The following PRUNE2 variants were observed in gnomAD, a reference collection of about 807,000 sequenced individuals.
PRUNE2 encodes the protein prune homolog 2 with BCH domain, also known as protein prune homolog 2.
Under a neutral mutation model 252.0 loss-of-function variants are expected in PRUNE2, and 164 were observed. The ratio of observed to expected loss-of-function variants is 0.65; its 90% CI spans 0.57 to 0.74. The LOEUF (loss-of-function observed/expected upper bound fraction) is 0.74. PRUNE2 is among the 30% of genes least tolerant of loss of function. The pLI is 0.00. For missense variants in PRUNE2, 3,495 were observed against 3,711.0 expected, an observed-to-expected ratio of 0.94 and a Z score of 1.51; for synonymous variants, 1,292 against 1,350.2, an observed-to-expected ratio of 0.96 and a Z score of 0.94.
intron 6 of PRUNE2, among the ~76,000 whole-genome samples, chr9:76,729,749 TTAAAG>T (rs1434873528): frequency 6.6e-6 from 1 of 152,174 alleles, no homozygotes; most frequent in African/African-American, 2.4e-5. Flanking sequence ...CCAAGGTCTT[TTAAAG>T]TATTTTTTTC....
chr9:76,754,125 C>A (rs17062964), intron 6 of PRUNE2, among the ~76,000 whole-genome samples: 4,276 of 152,180 alleles, frequency 0.028, 186 homozygotes, highest in African/African-American at 0.095. Context: ...TTGTCAGCAT[C>A]TCTTCTTTAC....
chr9:76,641,992 TAAGAG>T (rs1015349103), intron 12 of PRUNE2: 20 of 1,169,952 alleles, frequency 1.7e-5, no homozygotes, highest in African/African-American at 1.6e-4. Context: ...TATAATGAAA[TAAGAG>T]AAGTAAAAAA....
chr9:76,671,657 G>A (rs1455045083), intron 9 of PRUNE2, among the ~76,000 whole-genome samples: 2 of 152,094 alleles, frequency 1.3e-5, no homozygotes, highest in Non-Finnish European at 2.9e-5. Flanking sequence ...AGAGAGAAAG[G>A]TCGGGTTACC....
rs2046476326 is a variant in PRUNE2 at position 76,708,635 on chromosome 9, C to G, written c.3639G>C (p.Gln1213His). The change falls in exon 8 of 19, where the codon CAG becomes CAC. Residue 1213 changes from glutamine to histidine, a missense_variant. By Grantham distance (24) the Gln-to-His change is conservative. Coordinates refer to ENST00000376718, the MANE Select transcript of PRUNE2 (RefSeq NM_015225.3). ...AATCCCAAATACTGTTTGCAATTAGCTGCCCACTTTTCTCATTCAATGTGT... is the reference window on the plus strand; with the variant it reads ...AATCCCAAATACTGTTTGCAATTAGGTGCCCACTTTTCTCATTCAATGTGT... ...EHHTLNEKSG[Q>H]LIANSIWDSV... The G allele has an allele frequency of 6.2e-7, 1 of 1,613,844 alleles. No homozygotes were observed. Among genetic ancestry groups the G allele is most frequent in the Admixed American group, 1.7e-5 (1 of 59,994 alleles).
chr9:76,852,612 T>C (rs78920858), intron 2 of PRUNE2, among the ~76,000 whole-genome samples: 1 of 152,188 alleles, frequency 6.6e-6, no homozygotes, highest in African/African-American at 2.4e-5. Context: ...TAGTTGGGTT[T>C]TGAAAATTTA....
chr9:76,615,223 A>G, intron 18 of PRUNE2: 1 of 985,470 alleles, frequency 1.0e-6, no homozygotes, highest in Non-Finnish European at 1.2e-6. Context: ...TTCTTAGTGA[A>G]CACAGCACAA....
At chr9:76,771,438 A>C (rs2130944480) in intron 6 of PRUNE2, among the ~76,000 whole-genome samples, 1 of 152,342 alleles carries the variant, frequency 6.6e-6, no homozygotes, top group East Asian at 1.9e-4. Flanking sequence ...TCTAGAAGAA[A>C]GAGCTATGAA....
chr9:76,613,090 G>C lies in PRUNE2; in HGVS notation c.*1480C>G, dbSNP rs1827945316. 6.6e-6 allele frequency: 1 copy of C among 152,188 alleles called. No individual in the cohort carries two copies. The highest frequency in any genetic ancestry group is 1.5e-5 in the Non-Finnish European group (1 of 68,034). The allele number at this position is 152,188 out of a possible 1,614,324, so 9.4% of individuals were successfully genotyped here. A position where few individuals can be genotyped will look rare whatever the true frequency, so the allele number is the denominator to read the frequency against. ...TTTTGGCAATTGCAACCTAAGCAGT[G>C]ATTTTGTGGCTAGGACTCCTCATGT... is the stretch of plus-strand genomic sequence containing the variant. On this transcript the variant is annotated 3_prime_UTR_variant, in exon 19 of 19. Transcript: ENST00000376718.
intron 1 of PRUNE2, among the ~76,000 whole-genome samples, chr9:76,902,967 T>C (rs1179072207): frequency 6.6e-6 from 1 of 152,222 alleles, no homozygotes; most frequent in Non-Finnish European, 1.5e-5. Flanking sequence ...AGGGCCAGAC[T>C]GGGATTAAAA....
chr9:76,809,358 T>C (rs1171092656), intron 6 of PRUNE2, among the ~76,000 whole-genome samples: 1 of 152,180 alleles, frequency 6.6e-6, no homozygotes, highest in South Asian at 2.1e-4. Context: ...AGCTGCATGA[T>C]GAGAAATTAC....
chr9:76,710,725 G>T lies in PRUNE2; in HGVS notation c.1549C>A (p.Pro517Thr), dbSNP rs1305622880. 2.5e-6 allele frequency: 4 copies of T among 1,612,724 alleles called. No individual in the cohort carries two copies. In the African/African-American group the frequency reaches 5.3e-5, roughly 22 times the overall value. Residue 517 changes from proline to threonine, a missense_variant, in exon 8 of 19, where the codon CCA becomes ACA. Coordinates refer to ENST00000376718, the MANE Select transcript of PRUNE2 (RefSeq NM_015225.3). ...CTGTTGGGGAAGAAGTCATCTGCTGGGGAGTAGTCTGCAGAATGAGAAGAT... is the reference window on the plus strand; with the variant it reads ...CTGTTGGGGAAGAAGTCATCTGCTGTGGAGTAGTCTGCAGAATGAGAAGAT... ...QQSSHSADYSPADDFFPNSDL... is the reference protein window; with the variant it reads ...QQSSHSADYSTADDFFPNSDL...
Position 76,614,021 on chromosome 9 carries a change from G to C in PRUNE2, c.*549C>G, listed in dbSNP as rs1293827084. On this transcript the variant is annotated 3_prime_UTR_variant, in exon 19 of 19. Transcript: ENST00000376718. ...GGCTTCCCTTTGAGAAGTTAAAGGA[G>C]ATTCTGGTAAACAAGAACAAAACGG... 2.0e-5 allele frequency: 3 copies of C among 152,286 alleles called. No homozygotes were observed. The highest frequency in any genetic ancestry group is 1.3e-4 in the Admixed American group (2 of 15,280). 9.4% of individuals were successfully genotyped at this position (152,286 alleles called of 1,614,324 possible). A position where few individuals can be genotyped will look rare whatever the true frequency, so the allele number is the denominator to read the frequency against.
rs190592343 is a variant in PRUNE2, at chr9:76,619,372, G to A, written c.9204C>T (p.Tyr3068=). The A allele has an allele frequency of 1.2e-4, 196 of 1,606,466 alleles. No individual in the cohort carries two copies. Among genetic ancestry groups the A allele is most frequent in the Admixed American group, 5.2e-4 (31 of 59,438 alleles). ...ASEAAKTSCL[Y]NDPEMSSMEK... ...CCATAGAAGACATTTCTGGATCATTGTAAAGGCAGCTAGTTCTGAGTGCAA... is the reference window on the plus strand; with the variant it reads ...CCATAGAAGACATTTCTGGATCATTATAAAGGCAGCTAGTTCTGAGTGCAA... Residue 3068 remains tyrosine (Y), a synonymous_variant, in exon 18 of 19, where the codon TAC becomes TAT. Coordinates refer to ENST00000376718, the MANE Select transcript of PRUNE2 (RefSeq NM_015225.3).
chr9:76,854,647 TA>T (rs1187030246), intron 1 of PRUNE2, among the ~76,000 whole-genome samples: 3 of 152,246 alleles, frequency 2.0e-5, no homozygotes, highest in African/African-American at 7.2e-5. Context: ...GGTAAGGATT[TA>T]TTTTTTTATG....
chr9:76,756,202 G>A (rs1019326311), intron 6 of PRUNE2, among the ~76,000 whole-genome samples: 1 of 152,328 alleles, frequency 6.6e-6, no homozygotes, highest in Middle Eastern at 3.4e-3. Context: ...GGTCATGTAA[G>A]TGCATATGTC....
At position 76,852,041 on chromosome 9, in the gene PRUNE2, C is replaced by G. The variant is rs2059990302; in HGVS notation, c.142-1376G>C. ...TTAACACCTTAATCATCTGTCTCCC[C>G]TTTCTAGCATTAAGAAGGCAGGGCT... On this transcript the variant is annotated intron_variant, in intron 2 of 18. Transcript: ENST00000376718. Among the ~76,000 whole-genome samples the G allele has an allele frequency of 2.6e-5, 4 of 152,212 alleles. No homozygotes were observed. In the South Asian group the frequency reaches 8.3e-4, roughly 32 times the overall value.
intron 9 of PRUNE2, among the ~76,000 whole-genome samples, chr9:76,698,730 C>G (rs1294257516): frequency 6.6e-6 from 1 of 152,132 alleles, no homozygotes; most frequent in African/African-American, 2.4e-5. Flanking sequence ...AAAAGTCTGA[C>G]TTCACGAAAA....
chr9:76,783,123 G>A (rs1165423127), intron 6 of PRUNE2, among the ~76,000 whole-genome samples: 5 of 152,072 alleles, frequency 3.3e-5, no homozygotes, highest in Admixed American at 6.6e-5. Context: ...AGTTGTATCT[G>A]ACTATGCCTT....
Position 76,705,337 on chromosome 9 carries a change from T to C in PRUNE2, c.6937A>G (p.Thr2313Ala), listed in dbSNP as rs1564090477. The C allele has an allele frequency of 5.0e-6, 8 of 1,614,032 alleles. No individual in the cohort carries two copies. Among genetic ancestry groups the C allele is most frequent in the Non-Finnish European group, 6.8e-6 (8 of 1,179,868 alleles). Reference sequence around the variant, plus strand: ...TTACTCATGTCATCTATTGTTCCCGTGGATGTGTTGAGACCTGAGGCATCG... The same window carrying C: ...TTACTCATGTCATCTATTGTTCCCGCGGATGTGTTGAGACCTGAGGCATCG... ...FSDASGLNTS[T>A]GTIDDMSKLT... Residue 2313 changes from threonine to alanine, a missense_variant, in exon 8 of 19, where the codon ACG becomes GCG. Thr to Ala is a moderately conservative substitution (Grantham distance 58). Transcript: ENST00000376718.
Sources: gnomAD v4.1 joint callset for allele counts (sites outside exome capture counted in the v4.1 genomes callset) on GRCh38, gnomAD v4.1.1 for gene constraint, MANE v1.5 for transcripts, NCBI Gene and HGNC (gene_info 2026-07-23, HGNC 2026-07-21) for gene names.